Variants in DENND2D observed in about 807,000 individuals in gnomAD.
DENND2D encodes the protein DENN domain-containing protein 2D.
Under a neutral mutation model 59.8 loss-of-function variants are expected in DENND2D, and 37 were observed. That is an observed-to-expected ratio of 0.62 (90% CI 0.48 to 0.81). The LOEUF (loss-of-function observed/expected upper bound fraction) is 0.81. DENND2D is among the 40% of genes least tolerant of loss of function. The pLI, the probability that DENND2D is intolerant of heterozygous loss-of-function variation, is 0.00. For missense variants in DENND2D, 525 were observed against 579.7 expected (o/e 0.91, Z 0.97); for synonymous variants, 219 against 211.3 (o/e 1.04, Z -0.31).
At chr1:111,199,254 C>T (rs757440120) in intron 2 of DENND2D, among the ~76,000 whole-genome samples, 3 of 152,214 alleles carry the variant, frequency 2.0e-5, no homozygotes, top group Non-Finnish European at 4.4e-5. Flanking sequence ...CTTTCCTTCC[C>T]ACACATCCCA....
At chr1:111,202,153 C>T (rs1414354), upstream of DENND2D, among the ~76,000 whole-genome samples, 7,754 of 152,290 alleles carry the variant, frequency 0.051, 240 homozygotes, top group Middle Eastern at 0.095. Context: ...AGAATCTTAT[C>T]ACTGATCATT....
chr1:111,187,738 G>A lies in DENND2D; in HGVS notation c.1340-57C>T. 2.2e-6 allele frequency: 3 copies of A among 1,355,626 alleles called. No homozygotes were observed. In the South Asian group the frequency reaches 3.5e-5, roughly 16 times the overall value. The allele number at this position is 1,355,626 out of a possible 1,614,324, so 84.0% of individuals were successfully genotyped here. On this transcript the variant is annotated intron_variant, in intron 11 of 11. Coordinates refer to ENST00000357640, the MANE Select transcript of DENND2D (RefSeq NM_024901.5). ...CTGATCTGGTCAGGCAGATTATAAT[G>A]AGCTCAGGAATAAGGATCAGAAATA...
At chr1:111,202,946 G>A (rs1035148311), upstream of DENND2D, among the ~76,000 whole-genome samples, 10 of 152,214 alleles carry the variant, frequency 6.6e-5, no homozygotes, top group Admixed American at 5.2e-4. Flanking sequence ...GGAACAACTG[G>A]AATGTCTCCT....
At chr1:111,200,235 T>A in intron 1 of DENND2D, 158 bp downstream of exon 1, 1 of 994,266 alleles carries the variant, frequency 1.0e-6, no homozygotes. Flanking sequence ...TGACCAGCTC[T>A]TAAAAACCAG....
At chr1:111,194,451 G>A in intron 7 of DENND2D, 127 bp downstream of exon 7, 1 of 1,105,654 alleles carries the variant, frequency 9.0e-7, no homozygotes, top group Non-Finnish European at 1.3e-6. Context: ...TAAAGAACAA[G>A]GAGCTAGAAA....
rs772528612 is a variant in DENND2D at position 111,188,397 on chromosome 1, G to C, written c.1100-27C>G. 24 of 1,606,526 alleles carry C rather than the reference G, an allele frequency of 1.5e-5. No homozygotes were observed. In the East Asian group the frequency reaches 5.4e-4, roughly 36 times the overall value. On this transcript the variant is annotated intron_variant, in intron 10 of 11. Transcript: ENST00000357640. ...TGCAGGAGATATAAAGGCCATCTCAGAGGGTAGCAGAAGGATGAAATTACC... is the reference window on the plus strand; with the variant it reads ...TGCAGGAGATATAAAGGCCATCTCACAGGGTAGCAGAAGGATGAAATTACC...
chr1:111,204,155 C>G, upstream of DENND2D: 1 of 889,970 alleles, frequency 1.1e-6, no homozygotes, highest in South Asian at 2.6e-5. Context: ...CCTGCCCCCG[C>G]GCAGCCTCCT....
intron 8 of DENND2D, 49 bp from the exon 9 acceptor site, chr1:111,189,302 C>T (rs1657511180): frequency 6.2e-7 from 1 of 1,604,120 alleles, no homozygotes; most frequent in Non-Finnish European, 8.5e-7. Flanking sequence ...CTTCATAGAC[C>T]CCCAGAGGAT....
rs566969609 is a variant in DENND2D at position 111,197,170 on chromosome 1, C to G, written c.504+6G>C. The G allele has an allele frequency of 1.6e-5, 25 of 1,601,470 alleles. No individual in the cohort carries two copies. Among genetic ancestry groups the G allele is most frequent in the Non-Finnish European group, 1.8e-5 (21 of 1,175,116 alleles). ...ATGGGCAGGCCCTGAGGAATCCTAT[C>G]CCTACCTTGGAGAACAAGCCGAAGC... On this transcript the variant is annotated splice_donor_region_variant and intron_variant, in intron 5 of 11. Transcript: ENST00000357640.
chr1:111,188,867 A>G, intron 9 of DENND2D, 81 bp from the exon 10 acceptor site: 3 of 1,237,010 alleles, frequency 2.4e-6, no homozygotes, highest in Non-Finnish European at 3.6e-6. Context: ...TAAGGAGGGC[A>G]TGAATTCTAC....
chr1:111,194,747 GAGA>G (rs1380650787), intron 6 of DENND2D, 21 bp from the exon 7 acceptor site: 5 of 1,613,074 alleles, frequency 3.1e-6, no homozygotes, highest in Non-Finnish European at 3.4e-6. Context: ...ACCAGAGAGA[GAGA>G]AGGTGTCACT....
chr1:111,187,768 G>A (rs1178808744), intron 11 of DENND2D, 87 bp from the exon 12 acceptor site: 4 of 1,084,942 alleles, frequency 3.7e-6, no homozygotes, highest in Non-Finnish European at 5.5e-6. Flanking sequence ...GAAATATCCT[G>A]TCTGCTCCCC....
At chr1:111,193,238 T>C (rs1267664735) in intron 7 of DENND2D, among the ~76,000 whole-genome samples, 1 of 152,206 alleles carries the variant, frequency 6.6e-6, no homozygotes, top group Non-Finnish European at 1.5e-5. Context: ...ATTGAGTCTC[T>C]GAGAGGCTAG....
At chr1:111,203,182 G>A (rs1180253968), upstream of DENND2D, among the ~76,000 whole-genome samples, 1 of 152,218 alleles carries the variant, frequency 6.6e-6, no homozygotes, top group Non-Finnish European at 1.5e-5. Context: ...TGTGTCTAGA[G>A]AGGACACTAC....
chr1:111,199,575 C>G, intron 2 of DENND2D, 48 bp downstream of exon 2: 1 of 1,567,510 alleles, frequency 6.4e-7, no homozygotes, highest in Non-Finnish European at 8.7e-7. Context: ...TACCACCTTC[C>G]AAACACCCCA....
At chr1:111,200,808 A>G (rs1450444832), upstream of DENND2D, 2 of 893,262 alleles carry the variant, frequency 2.2e-6, no homozygotes, top group African/African-American at 3.5e-5. Flanking sequence ...CTGGCTACTT[A>G]TGGGCTAAGG....
At position 111,188,368 on chromosome 1, in the gene DENND2D, C is replaced by T. The variant is rs1214200821; in HGVS notation, c.1102G>A (p.Ala368Thr). The change falls in exon 11 of 12, where the codon GCA (alanine) becomes ACA (threonine). Residue 368 changes from alanine to threonine, a missense_variant and splice_region_variant. Coordinates refer to ENST00000357640, the MANE Select transcript of DENND2D (RefSeq NM_024901.5). ...LGQGINELKT[A>T]EQINEHVSGP... ...GAAACATGCTCGTTGATTTGTTCTG[C>T]AGCTGCAGGAGATATAAAGGCCATC... is the stretch of plus-strand genomic sequence containing the variant. The T allele has an allele frequency of 1.2e-6, 2 of 1,613,132 alleles. No individual in the cohort carries two copies. Among genetic ancestry groups the T allele is most frequent in the Admixed American group, 3.3e-5 (2 of 59,984 alleles).
At chr1:111,189,526 A>G (rs1484942076) in intron 8 of DENND2D, among the ~76,000 whole-genome samples, 15 of 152,362 alleles carry the variant, frequency 9.8e-5, no homozygotes, top group Non-Finnish European at 1.8e-4. Context: ...TGGAGAAATC[A>G]CAGCCAGTCA....
chr1:111,188,664 A>G, intron 10 of DENND2D, 38 bp downstream of exon 10: 1 of 1,553,456 alleles, frequency 6.4e-7, no homozygotes, highest in Non-Finnish European at 8.9e-7. Flanking sequence ...ATGCCCTTGC[A>G]CTGCCTGGAG....
Sources: allele counts gnomAD v4.1 joint callset (sites outside exome capture counted in the v4.1 genomes callset), GRCh38; gene constraint gnomAD v4.1.1; transcripts MANE v1.5; gene names NCBI Gene and HGNC (gene_info 2026-07-23, HGNC 2026-07-21).